The following SPMAP2L variants were observed in gnomAD, a reference collection of about 807,000 sequenced individuals.
The protein encoded by SPMAP2L is sperm microtubule associated protein 2 like.
chr4:56,621,586 C>T, the SPMAP2L span, among the ~76,000 whole-genome samples: 1 of 152,122 alleles, frequency 6.6e-6, no homozygotes, highest in East Asian at 1.9e-4. Context: ...TCTGCTTGTA[C>T]ATAGGAATAG....
chr4:56,579,825 T>C, the SPMAP2L span, among the ~76,000 whole-genome samples: 1 of 152,140 alleles, frequency 6.6e-6, no homozygotes, highest in Non-Finnish European at 1.5e-5. Flanking sequence ...AGCCAGCAAA[T>C]GAGAGAACCT....
the SPMAP2L span, among the ~76,000 whole-genome samples, chr4:56,540,759 C>G: frequency 6.6e-6 from 1 of 152,172 alleles, no homozygotes; most frequent in Non-Finnish European, 1.5e-5. Flanking sequence ...AGAAAAGAAG[C>G]ACCGCTGCTA....
chr4:56,534,457 C>T, the SPMAP2L span, among the ~76,000 whole-genome samples: 1 of 152,208 alleles, frequency 6.6e-6, no homozygotes, highest in Non-Finnish European at 1.5e-5. Flanking sequence ...TTAGTCCTCT[C>T]AGATTCATTC....
At chr4:56,626,061 T>C in the SPMAP2L span, among the ~76,000 whole-genome samples, 2 of 152,154 alleles carry the variant, frequency 1.3e-5, no homozygotes, top group East Asian at 1.9e-4. Context: ...TTTGGAGACA[T>C]TGGATACCTC....
chr4:56,569,546 A>G, the SPMAP2L span, among the ~76,000 whole-genome samples: 1 of 152,184 alleles, frequency 6.6e-6, no homozygotes, highest in East Asian at 1.9e-4. Context: ...GTGGTGGCTC[A>G]TGCCTGTAAT....
At chr4:56,567,986 A>G in the SPMAP2L span, among the ~76,000 whole-genome samples, 1 of 151,984 alleles carries the variant, frequency 6.6e-6, no homozygotes, top group South Asian at 2.1e-4. Context: ...GACTGCTTGA[A>G]GTTTTCCCAC....
chr4:56,567,540 C>T, the SPMAP2L span, among the ~76,000 whole-genome samples: 1 of 149,938 alleles, frequency 6.7e-6, no homozygotes, highest in Admixed American at 6.7e-5. Flanking sequence ...TCCGCCGCCT[C>T]GGCCTCCCAA....
chr4:56,594,310 C>A, the SPMAP2L span: 1 of 1,526,256 alleles, frequency 6.6e-7, no homozygotes, highest in Non-Finnish European at 9.1e-7. Flanking sequence ...TTGTTCACAG[C>A]ATGATTCCAC....
At chr4:56,564,223 T>G in the SPMAP2L span, among the ~76,000 whole-genome samples, 1 of 150,426 alleles carries the variant, frequency 6.6e-6, no homozygotes, top group Admixed American at 6.7e-5. Context: ...AATCTCCACC[T>G]CCCAGGCTCA....
the SPMAP2L span, among the ~76,000 whole-genome samples, chr4:56,617,259 T>C: frequency 6.6e-6 from 1 of 152,188 alleles, no homozygotes; most frequent in African/African-American, 2.4e-5. Context: ...ATGGTAAGTA[T>C]TTGTGTAGCT....
chr4:56,593,096 A>G, the SPMAP2L span: 1 of 1,579,120 alleles, frequency 6.3e-7, no homozygotes, highest in South Asian at 1.1e-5. Context: ...GCCACAGACG[A>G]TTTTGCGGAA....
At chr4:56,597,090 T>A in the SPMAP2L span, among the ~76,000 whole-genome samples, 32 of 152,218 alleles carry the variant, frequency 2.1e-4, no homozygotes, top group Non-Finnish European at 2.4e-4. Context: ...GGTGGTAAGA[T>A]ACTTTGCCTA....
At chr4:56,619,482 A>G in the SPMAP2L span, among the ~76,000 whole-genome samples, 3 of 152,226 alleles carry the variant, frequency 2.0e-5, no homozygotes, top group Non-Finnish European at 4.4e-5. Context: ...AAGTGGAATC[A>G]TACAGTACTT....
the SPMAP2L span, among the ~76,000 whole-genome samples, chr4:56,541,326 A>T: frequency 6.6e-6 from 1 of 152,196 alleles, no homozygotes; most frequent in Non-Finnish European, 1.5e-5. Context: ...TAAAAGTAAC[A>T]TATTAAAATA....
At chr4:56,582,352 A>G in the SPMAP2L span, among the ~76,000 whole-genome samples, 1 of 151,818 alleles carries the variant, frequency 6.6e-6, no homozygotes. Flanking sequence ...AAAAATGTAC[A>G]ATAAAAGACA....
chr4:56,603,194 T>G, the SPMAP2L span: 1 of 1,498,744 alleles, frequency 6.7e-7, no homozygotes, highest in African/African-American at 1.4e-5. Context: ...TTGATTTCTT[T>G]TTCCCCTATT....
chr4:56,556,288 G>C, the SPMAP2L span, among the ~76,000 whole-genome samples: 1 of 152,316 alleles, frequency 6.6e-6, no homozygotes, highest in African/African-American at 2.4e-5. Context: ...ACAAAGGTTA[G>C]AGTCAAAACA....
At chr4:56,609,809 A>G in the SPMAP2L span, among the ~76,000 whole-genome samples, 1 of 152,216 alleles carries the variant, frequency 6.6e-6, no homozygotes, top group Non-Finnish European at 1.5e-5. Context: ...GCAAGCAGCC[A>G]TCAATTGACA....
the SPMAP2L span, among the ~76,000 whole-genome samples, chr4:56,617,030 C>T: frequency 3.9e-5 from 6 of 152,126 alleles, no homozygotes; most frequent in African/African-American, 1.2e-4. Context: ...CCTGAAACCT[C>T]GAATAGTACG....
Sources: allele counts gnomAD v4.1 joint callset (sites outside exome capture counted in the v4.1 genomes callset), GRCh38; gene constraint gnomAD v4.1.1; transcripts MANE v1.5; gene names NCBI Gene and HGNC (gene_info 2026-07-23, HGNC 2026-07-21).